ACOT12: variants seen among roughly 807,000 people sequenced by gnomAD.
ACOT12 encodes the protein acyl-CoA thioesterase 12, also known as acetyl-coenzyme A thioesterase.
Under a neutral mutation model 67.7 loss-of-function variants are expected in ACOT12, and 51 were observed. The ratio of observed to expected loss-of-function variants is 0.75; its 90% confidence interval spans 0.60 to 0.95. ACOT12 has a LOEUF of 0.95. Among genes scored for constraint, ACOT12 ranks in the 40% least tolerant of loss-of-function variants. The probability of loss-of-function intolerance (pLI) is 0.00; values close to 1 mark genes in which losing one functional copy is unlikely to be tolerated. For missense variants in ACOT12, 734 were observed against 708.1 expected (o/e 1.04, Z -0.41); for synonymous variants, 251 against 244.6 (o/e 1.03, Z -0.24).
At chr5:81,366,408 C>T (rs1268911434) in intron 3 of ACOT12, among the ~76,000 whole-genome samples, 5 of 152,084 alleles carry the variant, frequency 3.3e-5, no homozygotes, top group Non-Finnish European at 7.4e-5. Context: ...ACAAAGGATA[C>T]TAAAACAACA....
chr5:81,350,095 C>T (rs1470268339), intron 5 of ACOT12, among the ~76,000 whole-genome samples: 1 of 152,116 alleles, frequency 6.6e-6, no homozygotes, highest in African/African-American at 2.4e-5. Context: ...TATTGCTTGT[C>T]TCATTTCCGG....
chr5:81,366,694 G>C (rs188013856), intron 3 of ACOT12, among the ~76,000 whole-genome samples: 1 of 151,538 alleles, frequency 6.6e-6, no homozygotes, highest in Non-Finnish European at 1.5e-5. Flanking sequence ...AGGAAAGAAC[G>C]GAAAATATAA....
chr5:81,383,734 G>GT (rs966920699), intron 2 of ACOT12, among the ~76,000 whole-genome samples: 6 of 148,566 alleles, frequency 4.0e-5, no homozygotes, highest in African/African-American at 9.9e-5. Context: ...AGTTTAAAAG[G>GT]TAAAAAAAAA....
chr5:81,389,669 G>A (rs1760813870), intron 1 of ACOT12, among the ~76,000 whole-genome samples: 1 of 152,092 alleles, frequency 6.6e-6, no homozygotes, highest in East Asian at 1.9e-4. Context: ...TGGGAATACA[G>A]GCGTGCGCCA....
At chr5:81,344,863 T>C (rs756551396) in intron 8 of ACOT12, 28 bp downstream of exon 8, 1 of 1,613,144 alleles carries the variant, frequency 6.2e-7, no homozygotes, top group Admixed American at 1.7e-5. Context: ...CAGGTCCGGC[T>C]ATTGAACCTC....
chr5:81,331,890 T>G (rs1758840299), intron 13 of ACOT12, among the ~76,000 whole-genome samples: 1 of 152,256 alleles, frequency 6.6e-6, no homozygotes, highest in Admixed American at 6.5e-5. Context: ...TACTTTGTAG[T>G]ATGGCTCTAC....
intron 2 of ACOT12, among the ~76,000 whole-genome samples, chr5:81,372,068 C>T (rs766010077): frequency 2.0e-5 from 3 of 152,080 alleles, no homozygotes; most frequent in Non-Finnish European, 4.4e-5. Flanking sequence ...AGATAGTGTG[C>T]GACATGACTC....
intron 11 of ACOT12, 73 bp from the exon 12 acceptor site, chr5:81,335,974 A>G: frequency 6.8e-7 from 1 of 1,465,314 alleles, no homozygotes; most frequent in Non-Finnish European, 9.2e-7. Flanking sequence ...ATGCATATAT[A>G]TGTAGTCATA....
chr5:81,311,311 T>C, the ACOT12 span: 1 of 1,602,682 alleles, frequency 6.2e-7, no homozygotes, highest in Admixed American at 1.7e-5. Flanking sequence ...TTAGAAGGGG[T>C]GAGATTAGTA....
At chr5:81,318,852 C>T in the ACOT12 span, among the ~76,000 whole-genome samples, 3,849 of 152,228 alleles carry the variant, frequency 0.025, 172 homozygotes, top group African/African-American at 0.088. Flanking sequence ...AAATCAAAGG[C>T]AAGCTTTAGA....
the ACOT12 span, chr5:81,311,143 G>A: frequency 6.6e-7 from 1 of 1,521,736 alleles, no homozygotes; most frequent in Non-Finnish European, 9.1e-7. Context: ...AGATGTGAAA[G>A]TGCTTTGAGA....
At chr5:81,319,329 A>G in the ACOT12 span, among the ~76,000 whole-genome samples, 1 of 152,228 alleles carries the variant, frequency 6.6e-6, no homozygotes, top group South Asian at 2.1e-4. Flanking sequence ...ATAATTGACT[A>G]TTTAAAGTGT....
chr5:81,383,544 G>T (rs1243045355), intron 2 of ACOT12, among the ~76,000 whole-genome samples: 1 of 151,998 alleles, frequency 6.6e-6, no homozygotes, highest in Admixed American at 6.6e-5. Context: ...AGAAGGAAGG[G>T]AACATTTTAT....
At chr5:81,369,164 A>C (rs1335936421) in intron 3 of ACOT12, among the ~76,000 whole-genome samples, 8 of 152,190 alleles carry the variant, frequency 5.3e-5, no homozygotes, top group Non-Finnish European at 1.0e-4. Flanking sequence ...CAAAAAAAAA[A>C]AAACTCACAC....
chr5:81,335,910 C>A lies in ACOT12; in HGVS notation c.1129-9G>T. 2.5e-6 allele frequency: 4 copies of A among 1,589,082 alleles called. No individual in the cohort carries two copies. The highest frequency in any genetic ancestry group is 3.8e-5 in the Admixed American group (2 of 53,220). ...AGAGTATATATTTTTATCTAAAAGA[C>A]AACAAAAAAATTAAATTACGAAAGA... On this transcript the variant is annotated splice_polypyrimidine_tract_variant and intron_variant, in intron 11 of 14. Transcript: ENST00000307624.
rs1758792761 is a variant in ACOT12, at chr5:81,330,796, A to T, written c.1518+18T>A. ...TCTGGCAGAGCCAATTAATCTGCAG[A>T]TGTTTCATCAAACTTACGATGCATG... On this transcript the variant is annotated intron_variant, in intron 14 of 14. Transcript: ENST00000307624. 1 of 1,608,996 alleles carries T rather than the reference A, an allele frequency of 6.2e-7. No individual in the cohort carries two copies. The highest frequency in any genetic ancestry group is 8.5e-7 in the Non-Finnish European group (1 of 1,178,718).
intron 2 of ACOT12, among the ~76,000 whole-genome samples, chr5:81,374,265 G>A (rs764184853): frequency 5.9e-5 from 9 of 152,150 alleles, no homozygotes; most frequent in Non-Finnish European, 1.3e-4. Flanking sequence ...TTAGAAGGAA[G>A]ACTAACAAAC....
intron 5 of ACOT12, among the ~76,000 whole-genome samples, chr5:81,355,446 A>G (rs1039797586): frequency 6.6e-6 from 1 of 152,186 alleles, no homozygotes; most frequent in Non-Finnish European, 1.5e-5. Flanking sequence ...ATGTCAAGCA[A>G]AAGAAGTAGG....
In ACOT12 at chr5:81,371,812, T is replaced by C. The variant is rs1016969180; in HGVS notation, c.198-2A>G. The stretch of plus-strand genomic sequence containing the variant: ...TTGATGGTTATAACTTGTCCAACTC[T>C]AGGGAAAAACAAACAAAAAAACCTC... On this transcript the variant is annotated splice_acceptor_variant, in intron 2 of 14. Transcript: ENST00000307624. LOFTEE classifies it high-confidence loss of function. The C allele has an allele frequency of 5.6e-6, 9 of 1,613,752 alleles. No individual in the cohort carries two copies. Among genetic ancestry groups the C allele is most frequent in the Non-Finnish European group, 7.6e-6 (9 of 1,179,850 alleles).
Sources: allele counts gnomAD v4.1 joint callset (sites outside exome capture counted in the v4.1 genomes callset), GRCh38; gene constraint gnomAD v4.1.1; transcripts MANE v1.5; gene names NCBI Gene and HGNC (gene_info 2026-07-23, HGNC 2026-07-21).